ZBTB20: variants seen among roughly 807,000 people sequenced by gnomAD.
ZBTB20 encodes the protein zinc finger and BTB domain containing 20.
Under a neutral mutation model 56.9 loss-of-function variants are expected in ZBTB20, and 9 were observed. That is an observed-to-expected ratio of 0.16 (90% CI 0.10 to 0.28). The LOEUF (loss-of-function observed/expected upper bound fraction) is 0.28, where lower values mean the gene tolerates loss of function less well. Ranked by LOEUF, ZBTB20 falls within the 10% of genes least tolerant of loss-of-function variation. The probability of loss-of-function intolerance (pLI) is 1.00; values close to 1 mark genes in which losing one functional copy is unlikely to be tolerated. For synonymous variants in ZBTB20, 417 were observed against 420.7 expected (o/e 0.99, Z 0.11); for missense variants, 655 against 1,003.0 (o/e 0.65, Z 4.69).
chr3:114,351,397 C>A lies in ZBTB20; in HGVS notation c.681G>T (p.Thr227=), dbSNP rs753789024. Residue 227 remains threonine (T), a synonymous_variant, in exon 11 of 12, where the codon ACG becomes ACT. Transcript: ENST00000675478. ...GGTGGCTCTGCAGGTAGCCCGACTC[C>A]GTGTCGCTGCTCTGGCCTGACGTGC... ...ESGTSGQSSD[T]ESGYLQSHPQ... 3 of 1,612,242 alleles carry A rather than the reference C, an allele frequency of 1.9e-6. No individual in the cohort carries two copies. The highest frequency in any genetic ancestry group is 2.7e-5 in the African/African-American group (2 of 74,902).
At chr3:114,950,917 T>C (rs981611002) in intron 3 of ZBTB20, among the ~76,000 whole-genome samples, 1 of 152,088 alleles carries the variant, frequency 6.6e-6, no homozygotes, top group Non-Finnish European at 1.5e-5. Context: ...AGAAACATAA[T>C]GTGAGCACAA....
chr3:114,413,429 G>T (rs1256247588), intron 7 of ZBTB20, among the ~76,000 whole-genome samples: 1 of 152,138 alleles, frequency 6.6e-6, no homozygotes, highest in Non-Finnish European at 1.5e-5. Flanking sequence ...TAAATTCATG[G>T]ATAAGTCCAT....
At chr3:114,349,432 C>T (rs2080463141) in intron 11 of ZBTB20, among the ~76,000 whole-genome samples, 1 of 152,084 alleles carries the variant, frequency 6.6e-6, no homozygotes, top group African/African-American at 2.4e-5. Flanking sequence ...TCATAGAATC[C>T]AGGGATGAAA....
intron 3 of ZBTB20, among the ~76,000 whole-genome samples, chr3:114,950,402 C>T (rs2107906176): frequency 6.6e-6 from 1 of 151,954 alleles, no homozygotes; most frequent in South Asian, 2.1e-4. Flanking sequence ...GGTCTCCCTC[C>T]CTCCTCTTCT....
intron 6 of ZBTB20, among the ~76,000 whole-genome samples, chr3:114,637,805 TTC>T: frequency 6.6e-6 from 1 of 152,246 alleles, no homozygotes; most frequent in Admixed American, 6.5e-5. Context: ...TAAGCTTTTA[TTC>T]TTTCTATAAT....
At chr3:114,915,454 T>A (rs1022464011) in intron 3 of ZBTB20, among the ~76,000 whole-genome samples, 2 of 151,954 alleles carry the variant, frequency 1.3e-5, no homozygotes, top group East Asian at 1.9e-4. Context: ...TTTATTTGGG[T>A]CTTCTATCTT....
At position 115,013,502 on chromosome 3, in the gene ZBTB20, C is replaced by A. The variant is rs570751993; in HGVS notation, c.-506-39086G>T. Among the ~76,000 whole-genome samples, 3 of 151,696 alleles carry A rather than the reference C, an allele frequency of 2.0e-5. No individual in the cohort carries two copies. In the East Asian group the frequency reaches 5.9e-4, roughly 30 times the overall value. ...ACCAGGAACATATCCAAAACCTGAG[C>A]AGACCAATAACAAGTAATGAGATCA... On this transcript the variant is annotated intron_variant, in intron 2 of 11. Transcript: ENST00000675478.
intron 5 of ZBTB20, among the ~76,000 whole-genome samples, chr3:114,760,800 T>G (rs1293737001): frequency 2.0e-5 from 3 of 152,178 alleles, no homozygotes; most frequent in African/African-American, 7.2e-5. Context: ...TCTTGCCTAT[T>G]TATCTTCTTT....
intron 1 of ZBTB20, among the ~76,000 whole-genome samples, chr3:115,144,490 G>A (rs947210482): frequency 6.6e-6 from 1 of 152,132 alleles, no homozygotes; most frequent in Non-Finnish European, 1.5e-5. Context: ...AGAGGAATTA[G>A]ATGTTTGCGG....
At chr3:114,780,896 G>T (rs2070043880) in intron 5 of ZBTB20, among the ~76,000 whole-genome samples, 1 of 152,110 alleles carries the variant, frequency 6.6e-6, no homozygotes, top group South Asian at 2.1e-4. Flanking sequence ...AACATATTCT[G>T]TATTACCAAC....
intron 4 of ZBTB20, among the ~76,000 whole-genome samples, chr3:114,810,749 T>C (rs1355057696): frequency 6.6e-6 from 1 of 152,154 alleles, no homozygotes; most frequent in Non-Finnish European, 1.5e-5. Flanking sequence ...GCCTAATTCT[T>C]TTCTTAGTAA....
chr3:114,763,807 C>T (rs2068601256), intron 5 of ZBTB20, among the ~76,000 whole-genome samples: 1 of 151,678 alleles, frequency 6.6e-6, no homozygotes, highest in East Asian at 1.9e-4. Flanking sequence ...ACATTGTACC[C>T]CATAAAAATA....
At chr3:114,608,783 C>A (rs967501654) in intron 6 of ZBTB20, among the ~76,000 whole-genome samples, 12 of 152,196 alleles carry the variant, frequency 7.9e-5, no homozygotes, top group African/African-American at 2.6e-4. Flanking sequence ...CAGAGGGTTT[C>A]TTTTTTTACT....
At chr3:115,123,362 C>A (rs1450911272) in intron 1 of ZBTB20, among the ~76,000 whole-genome samples, 1 of 152,094 alleles carries the variant, frequency 6.6e-6, no homozygotes, top group Non-Finnish European at 1.5e-5. Flanking sequence ...TGAATTATTA[C>A]TAAAACAATT....
intron 3 of ZBTB20, among the ~76,000 whole-genome samples, chr3:114,962,176 A>G (rs534185855): frequency 6.8e-6 from 1 of 147,614 alleles, no homozygotes; most frequent in African/African-American, 2.7e-5. Context: ...CACAGTTGCT[A>G]TATTCTTCTG....
intron 1 of ZBTB20, among the ~76,000 whole-genome samples, chr3:115,117,705 G>A (rs760229675): frequency 6.6e-6 from 1 of 151,480 alleles, no homozygotes; most frequent in African/African-American, 2.4e-5. Flanking sequence ...ACAATATTTA[G>A]TTATGTAATC....
intron 2 of ZBTB20, among the ~76,000 whole-genome samples, chr3:115,048,867 A>G (rs2081434455): frequency 6.6e-6 from 1 of 152,046 alleles, no homozygotes; most frequent in Non-Finnish European, 1.5e-5. Context: ...AAAGACTTCT[A>G]TCTAAAAAAA....
At chr3:114,481,510 C>A (rs1408997575) in intron 7 of ZBTB20, among the ~76,000 whole-genome samples, 1 of 152,194 alleles carries the variant, frequency 6.6e-6, no homozygotes, top group African/African-American at 2.4e-5. Context: ...CTTGCTAAAT[C>A]CGTATTCATT....
intron 6 of ZBTB20, among the ~76,000 whole-genome samples, chr3:114,662,468 A>T (rs1345591673): frequency 4.1e-5 from 6 of 146,504 alleles, no homozygotes; most frequent in African/African-American, 1.6e-4. Context: ...TAGATCCCTG[A>T]GGAATCGCCA....
Sources: gnomAD v4.1 joint callset for allele counts (sites outside exome capture counted in the v4.1 genomes callset) on GRCh38, gnomAD v4.1.1 for gene constraint, MANE v1.5 for transcripts, NCBI Gene and HGNC (gene_info 2026-07-23, HGNC 2026-07-21) for gene names.